RORA: variants seen among roughly 807,000 people sequenced by gnomAD.
RORA encodes nuclear receptor ROR-alpha.
In RORA, 7 loss-of-function variants were observed where a neutral mutation model predicts 69.5. That is an observed-to-expected ratio of 0.10 (90% CI 0.06 to 0.19). RORA has a LOEUF of 0.19. RORA is among the 10% of genes least tolerant of loss of function. RORA has a pLI of 1.00. For synonymous variants in RORA, 261 were observed against 240.8 expected (o/e 1.08, Z -0.78); for missense variants, 457 against 663.0 (o/e 0.69, Z 3.41).
At chr15:60,544,068 C>T (rs1021814314) in intron 2 of RORA, among the ~76,000 whole-genome samples, 2 of 152,146 alleles carry the variant, frequency 1.3e-5, no homozygotes, top group African/African-American at 2.4e-5. Flanking sequence ...CTACAGGGTT[C>T]GGAGGCTCTC....
chr15:60,620,010 C>T (rs2069361555), intron 2 of RORA, among the ~76,000 whole-genome samples: 2 of 152,236 alleles, frequency 1.3e-5, no homozygotes, highest in South Asian at 4.1e-4. Context: ...AAGATTCTTC[C>T]TGTCCCTTCA....
At chr15:60,723,069 G>A (rs769461288) in intron 1 of RORA, among the ~76,000 whole-genome samples, 2 of 152,108 alleles carry the variant, frequency 1.3e-5, no homozygotes, top group Non-Finnish European at 2.9e-5. Flanking sequence ...ATTTTCAAGG[G>A]TGTGCAGACA....
intron 1 of RORA, among the ~76,000 whole-genome samples, chr15:60,866,224 T>A (rs1191378746): frequency 6.6e-6 from 1 of 152,198 alleles, no homozygotes; most frequent in Non-Finnish European, 1.5e-5. Context: ...CTTCCCAGCC[T>A]CTGGTAGCCA....
chr15:60,773,853 C>T (rs2072117114), intron 1 of RORA, among the ~76,000 whole-genome samples: 1 of 152,234 alleles, frequency 6.6e-6, no homozygotes, highest in Non-Finnish European at 1.5e-5. Context: ...ATGGAAATTT[C>T]CCAAGGGCAG....
Position 60,488,460 on chromosome 15 carries a change from A to C in RORA, c.*8995T>G, listed in dbSNP as rs1211188703. On this transcript the variant is annotated 3_prime_UTR_variant, in exon 11 of 11. Transcript: ENST00000335670. ...TGGAGTATTTAAAAGACAACATTAA[A>C]TCTCTCTTTTTTGTACAGCTTGTAT... 11 of 152,180 alleles carry C rather than the reference A, an allele frequency of 7.2e-5. No homozygotes were observed. Among genetic ancestry groups the C allele is most frequent in the Non-Finnish European group, 1.2e-4 (8 of 68,032 alleles). 9.4% of individuals were successfully genotyped at this position (152,180 alleles called of 1,614,324 possible).
At chr15:61,001,648 C>T (rs71407099) in intron 1 of RORA, among the ~76,000 whole-genome samples, 19,809 of 152,212 alleles carry the variant, frequency 0.13, 1,318 homozygotes, top group Middle Eastern at 0.16. Context: ...ACTAGGGATA[C>T]AGTAGGGGAA....
chr15:60,839,100 G>A (rs1285598399), intron 1 of RORA, among the ~76,000 whole-genome samples: 1 of 151,904 alleles, frequency 6.6e-6, no homozygotes, highest in African/African-American at 2.4e-5. Flanking sequence ...GGGTTTCACC[G>A]TGTTAGCCAG....
chr15:60,936,803 T>C (rs755538968), intron 1 of RORA, among the ~76,000 whole-genome samples: 41 of 152,174 alleles, frequency 2.7e-4, no homozygotes, highest in Non-Finnish European at 4.6e-4. Flanking sequence ...AAGACAGACA[T>C]TTTGTTAGGG....
At chr15:60,908,347 A>G (rs1891604747) in intron 1 of RORA, among the ~76,000 whole-genome samples, 1 of 152,202 alleles carries the variant, frequency 6.6e-6, no homozygotes, top group African/African-American at 2.4e-5. Context: ...AACAAAAAAT[A>G]CTAATCAAAA....
chr15:60,821,619 T>C (rs924458665), intron 1 of RORA, among the ~76,000 whole-genome samples: 3 of 152,254 alleles, frequency 2.0e-5, no homozygotes, highest in African/African-American at 7.2e-5. Context: ...GGTTGTAAGC[T>C]CTATGATGCC....
At chr15:60,924,874 T>A (rs1892161380) in intron 1 of RORA, among the ~76,000 whole-genome samples, 1 of 151,626 alleles carries the variant, frequency 6.6e-6, no homozygotes, top group African/African-American at 2.4e-5. Flanking sequence ...AGGTCAGGAG[T>A]TCGAGACCAG....
intron 2 of RORA, chr15:60,592,697 C>T (rs1236945687): frequency 9.8e-5 from 102 of 1,037,400 alleles, no homozygotes; most frequent in Non-Finnish European, 1.1e-4. Flanking sequence ...CCCGCCCCCG[C>T]GGGCAGGTGA....
intron 1 of RORA, among the ~76,000 whole-genome samples, chr15:60,760,661 G>T (rs533691647): frequency 6.6e-6 from 1 of 152,270 alleles, no homozygotes; most frequent in South Asian, 2.1e-4. Context: ...TTCACCTAAT[G>T]CATAGCAGTG....
chr15:60,883,175 AG>A (rs1465375877), intron 1 of RORA, among the ~76,000 whole-genome samples: 72 of 131,678 alleles, frequency 5.5e-4, no homozygotes, highest in African/African-American at 1.6e-3. Flanking sequence ...AGAGAGAGAG[AG>A]AGAGAGAAAG....
intron 1 of RORA, among the ~76,000 whole-genome samples, chr15:60,948,920 T>G (rs1233358797): frequency 2.0e-5 from 3 of 152,168 alleles, no homozygotes; most frequent in Non-Finnish European, 2.9e-5. Flanking sequence ...AAGCTGGAAT[T>G]GTCAAGGAGT....
chr15:61,028,042 A>AT (rs142635054), intron 1 of RORA, among the ~76,000 whole-genome samples: 2 of 151,886 alleles, frequency 1.3e-5, no homozygotes, highest in Admixed American at 1.3e-4. Context: ...GCTCAAAAAT[A>AT]TTTTTTTTCC....
chr15:61,034,244 G>T (rs1255005009), intron 1 of RORA, among the ~76,000 whole-genome samples: 1 of 152,130 alleles, frequency 6.6e-6, no homozygotes, highest in Admixed American at 6.6e-5. Flanking sequence ...GAAACTAAGG[G>T]GGAAAAAGAG....
intron 2 of RORA, chr15:60,547,610 G>A (rs2067111507): frequency 6.9e-6 from 1 of 145,526 alleles, no homozygotes; most frequent in Admixed American, 6.9e-5. Flanking sequence ...ACAGGTGTAA[G>A]CCACCATGAC....
At chr15:61,057,773 C>A (rs2140526245) in intron 1 of RORA, among the ~76,000 whole-genome samples, 1 of 152,232 alleles carries the variant, frequency 6.6e-6, no homozygotes, top group East Asian at 1.9e-4. Flanking sequence ...CCCTGAGCAC[C>A]CCACTCATAC....
Sources: allele counts gnomAD v4.1 joint callset (sites outside exome capture counted in the v4.1 genomes callset), GRCh38; gene constraint gnomAD v4.1.1; transcripts MANE v1.5; gene names NCBI Gene and HGNC (gene_info 2026-07-23, HGNC 2026-07-21).